PRDM11: variants seen among roughly 807,000 people sequenced by gnomAD.
The protein encoded by PRDM11 is PR/SET domain 11.
Under a neutral mutation model 97.8 loss-of-function variants are expected in PRDM11, and 20 were observed. The observed-to-expected ratio is 0.20, with a 90% CI of 0.14 to 0.30. The LOEUF (loss-of-function observed/expected upper bound fraction) is 0.30, where lower values mean the gene tolerates loss of function less well. PRDM11 is among the 10% of genes least tolerant of loss of function. The pLI, the probability that PRDM11 is intolerant of heterozygous loss-of-function variation, is 1.00. For synonymous variants in PRDM11, 599 were observed against 637.7 expected (o/e 0.94, Z 0.91); for missense variants, 1,139 against 1,555.2 (o/e 0.73, Z 4.50).
chr11:45,102,231 G>C lies in PRDM11; in HGVS notation c.96+6330G>C, dbSNP rs12794740. ...GGAAGAAGAAGGCGTTCAGGGCTCA[G>C]AGCTGGAGGCTGAGCGGAGGAAGAA... On this transcript the variant is annotated intron_variant, in intron 1 of 6. Transcript: ENST00000530656. 6.8e-5 allele frequency among the ~76,000 whole-genome samples: 2 copies of C among 29,518 alleles called. 1 individual carries two copies. Among genetic ancestry groups the C allele is most frequent in the East Asian group, 2.9e-3 (2 of 696 alleles). The allele number at this position is 29,518 out of a possible 152,430, so 19.4% of individuals were successfully genotyped here.
intron 1 of PRDM11, among the ~76,000 whole-genome samples, chr11:45,168,808 C>T (rs1347549887): frequency 1.3e-5 from 2 of 152,244 alleles, no homozygotes; most frequent in African/African-American, 4.8e-5. Flanking sequence ...TCTACACATC[C>T]AGGCCTCTTT....
chr11:45,149,292 A>G lies in PRDM11; in HGVS notation c.-7+2415A>G, dbSNP rs184488648. Among the ~76,000 whole-genome samples, 21 of 152,280 alleles carry G rather than the reference A, an allele frequency of 1.4e-4. No individual in the cohort carries two copies. The South Asian group carries it at 1.5e-3, about 11-fold the overall frequency. Reference sequence around the variant, plus strand: ...CCAGTGTGTTGGGGATAAAGAACCAAATTGGTGTAGTGACCTAAAAGCTAC... The same window carrying G: ...CCAGTGTGTTGGGGATAAAGAACCAGATTGGTGTAGTGACCTAAAAGCTAC... On this transcript the variant is annotated intron_variant, in intron 1 of 7. Transcript: ENST00000683152.
At chr11:45,200,645 G>A (rs1853294992) in intron 4 of PRDM11, among the ~76,000 whole-genome samples, 1 of 152,150 alleles carries the variant, frequency 6.6e-6, no homozygotes, top group Non-Finnish European at 1.5e-5. Flanking sequence ...TTTCCCCCAG[G>A]AGACAGGGGA....
intron 1 of PRDM11, among the ~76,000 whole-genome samples, chr11:45,159,917 A>G (rs1363344716): frequency 2.6e-5 from 4 of 152,190 alleles, no homozygotes; most frequent in African/African-American, 9.7e-5. Context: ...ATGGGCCAGG[A>G]GTCACTGGGG....
intron 1 of PRDM11, among the ~76,000 whole-genome samples, chr11:45,154,675 C>G (rs1001887832): frequency 1.3e-5 from 2 of 152,090 alleles, no homozygotes; most frequent in African/African-American, 4.8e-5. Flanking sequence ...CCTGTCTCCC[C>G]TACCTCATCC....
At chr11:45,144,736 T>G (rs879424669), upstream of PRDM11, among the ~76,000 whole-genome samples, 19 of 152,174 alleles carry the variant, frequency 1.2e-4, no homozygotes, top group Non-Finnish European at 2.2e-4. Flanking sequence ...ATCCTACCAT[T>G]GGTGGAAATT....
At chr11:45,186,089 A>C (rs897618687) in intron 4 of PRDM11, among the ~76,000 whole-genome samples, 3 of 152,178 alleles carry the variant, frequency 2.0e-5, no homozygotes, top group Non-Finnish European at 2.9e-5. Flanking sequence ...GGCCCTGCCA[A>C]CACCTTGATT....
chr11:45,224,209 CT>C lies in PRDM11; in HGVS notation c.743-6del. 1 of 1,553,528 alleles carries C rather than the reference CT, an allele frequency of 6.4e-7. No individual in the cohort carries two copies. ...CCCATTTCCTTACACCCTGGTTTTC[CT>C]TCCTAGGAGAGAAGAGGTTGCAGAG... On this transcript the variant is annotated splice_polypyrimidine_tract_variant and splice_region_variant and intron_variant, in intron 6 of 7. Coordinates refer to ENST00000683152, the MANE Select transcript of PRDM11 (RefSeq NM_001384648.1).
chr11:45,162,379 CCAAAGGG>C (rs1851951577), intron 1 of PRDM11, among the ~76,000 whole-genome samples: 2 of 151,912 alleles, frequency 1.3e-5, no homozygotes, highest in Admixed American at 1.3e-4. Context: ...TCAGAGAGGC[CCAAAGGG>C]CCTCTCTGAG....
chr11:45,225,025 C>T, intron 7 of PRDM11, 182 bp downstream of exon 7: 1 of 1,455,232 alleles, frequency 6.9e-7, no homozygotes, highest in Non-Finnish European at 9.0e-7. Flanking sequence ...CCATCGGCAG[C>T]TCTGCCAGGT....
intron 1 of PRDM11, among the ~76,000 whole-genome samples, chr11:45,141,126 C>T (rs1166553230): frequency 2.0e-5 from 3 of 152,216 alleles, no homozygotes; most frequent in Non-Finnish European, 4.4e-5. Flanking sequence ...GTTTCCTTTG[C>T]CTATTCTCCT....
At chr11:45,095,931 C>T (rs941784428) in intron 1 of PRDM11, 1 of 778,474 alleles carries the variant, frequency 1.3e-6, no homozygotes, top group Non-Finnish European at 2.4e-6. Context: ...AATGTGGGGG[C>T]TCCTCAAAAC....
At chr11:45,126,775 T>C (rs1403646382) in intron 1 of PRDM11, among the ~76,000 whole-genome samples, 3 of 152,214 alleles carry the variant, frequency 2.0e-5, no homozygotes, top group Non-Finnish European at 2.9e-5. Context: ...TAACATTGTT[T>C]CCTTCATTTC....
intron 1 of PRDM11, among the ~76,000 whole-genome samples, chr11:45,169,772 C>T (rs574980073): frequency 2.0e-5 from 3 of 152,140 alleles, no homozygotes; most frequent in Non-Finnish European, 4.4e-5. Flanking sequence ...TCCAGGCAGC[C>T]CAGCACCAGA....
intron 5 of PRDM11, among the ~76,000 whole-genome samples, chr11:45,209,709 C>T (rs533360375): frequency 7.2e-5 from 11 of 152,276 alleles, no homozygotes; most frequent in East Asian, 3.9e-4. Context: ...TCACAGGGGC[C>T]GCGGGGTTTC....
rs1305622241 is a variant in PRDM11, at chr11:45,227,618, G to A, written c.2993G>A (p.Ser998Asn). Residue 998 changes from serine to asparagine, a missense_variant, in exon 8 of 8, where the codon AGT becomes AAT. Around this residue, in one of 2 missense-constraint regions of PRDM11, gnomAD observed 710 missense variants for 1,044.9 expected, o/e 0.68. Coordinates refer to ENST00000683152, the MANE Select transcript of PRDM11 (RefSeq NM_001384648.1). The surrounding 1 kb of genome is among the most constrained non-coding windows in gnomAD (Gnocchi z 8.0). ...VFDLAAWPRSSEELMSYGKED... is the reference protein window; with the variant it reads ...VFDLAAWPRSNEELMSYGKED... ...GACCTGGCTGCCTGGCCCAGGAGCA[G>A]TGAGGAGCTGATGAGCTATGGCAAG... 6.5e-7 allele frequency: 1 copy of A among 1,533,946 alleles called. No homozygotes were observed. The highest frequency in any genetic ancestry group is 8.7e-7 in the Non-Finnish European group (1 of 1,146,738).
chr11:45,179,938 G>A (rs1195499757), intron 1 of PRDM11, among the ~76,000 whole-genome samples: 1 of 152,190 alleles, frequency 6.6e-6, no homozygotes, highest in African/African-American at 2.4e-5. Context: ...AGGTGTTCAG[G>A]GATCCTTCAC....
At chr11:45,164,325 C>A (rs1173280555) in intron 1 of PRDM11, among the ~76,000 whole-genome samples, 1 of 152,260 alleles carries the variant, frequency 6.6e-6, no homozygotes, top group East Asian at 1.9e-4. Context: ...GTTGGCCAGG[C>A]TGCGCTCTGC....
At chr11:45,151,992 C>A (rs1183452121) in intron 1 of PRDM11, among the ~76,000 whole-genome samples, 1 of 152,174 alleles carries the variant, frequency 6.6e-6, no homozygotes, top group East Asian at 1.9e-4. Context: ...ATCACTCTTA[C>A]CCCAGTTATC....
Sources: gnomAD v4.1 joint callset for allele counts (sites outside exome capture counted in the v4.1 genomes callset) on GRCh38, gnomAD v4.1.1 for gene constraint, gnomAD v4.1.1 regional missense constraint, Gnocchi (gnomAD v3.1) non-coding constraint, MANE v1.5 for transcripts, NCBI Gene and HGNC (gene_info 2026-07-23, HGNC 2026-07-21) for gene names.